Variants in ZNF431 observed in about 807,000 individuals in gnomAD.
The protein encoded by ZNF431 is zinc finger protein 431.
A neutral mutation model predicts 57.0 loss-of-function variants in ZNF431; 34 were observed. The ratio of observed to expected loss-of-function variants is 0.60; its 90% confidence interval spans 0.45 to 0.79. The LOEUF is 0.79. Ranked by LOEUF, ZNF431 falls within the 30% of genes least tolerant of loss-of-function variation. The probability of loss-of-function intolerance (pLI) is 0.00; values close to 1 mark genes in which losing one functional copy is unlikely to be tolerated. For synonymous variants in ZNF431, 207 were observed against 220.3 expected (o/e 0.94, Z 0.54); for missense variants, 607 against 667.1 (o/e 0.91, Z 0.99).
intron 4 of ZNF431, among the ~76,000 whole-genome samples, chr19:21,181,949 C>T (rs891674843): frequency 1.3e-5 from 2 of 152,076 alleles, no homozygotes; most frequent in African/African-American, 4.8e-5. Flanking sequence ...AAACAATTAT[C>T]TTGGTTTGAG....
chr19:21,149,727 G>A (rs1412953313), intron 2 of ZNF431: 1 of 612,446 alleles, frequency 1.6e-6, no homozygotes, highest in East Asian at 3.7e-5. Flanking sequence ...GAGACCCAGG[G>A]CCTTCCCTCC....
At position 21,183,374 on chromosome 19, in the gene ZNF431, A is replaced by G; in HGVS notation, c.1071A>G (p.Ser357=). ...GTGACAAAGCTTTTAATCGATTCTC[A>G]TACCTTACTAAACATAAGATAATTC... ...EECDKAFNRF[S]YLTKHKIIHT... The change falls in exon 5 of 5, where the codon TCA becomes TCG. Residue 357 remains serine (S), a synonymous_variant. Transcript: ENST00000311048. 6.2e-7 allele frequency: 1 copy of G among 1,613,798 alleles called. No homozygotes were observed. The highest frequency in any genetic ancestry group is 1.1e-5 in the South Asian group (1 of 91,062).
At chr19:21,146,823 A>G (rs1356766118) in intron 2 of ZNF431, among the ~76,000 whole-genome samples, 11 of 152,082 alleles carry the variant, frequency 7.2e-5, no homozygotes, top group Admixed American at 6.6e-4. Flanking sequence ...TCTCAGTCCT[A>G]TTTTACCCAG....
intron 2 of ZNF431, among the ~76,000 whole-genome samples, chr19:21,145,860 G>A (rs973400065): frequency 1.3e-5 from 2 of 152,060 alleles, no homozygotes; most frequent in African/African-American, 4.8e-5. Context: ...AAGGTGGGAG[G>A]GGAATGGCAA....
At chr19:21,162,009 T>C (rs1357154346) in intron 2 of ZNF431, among the ~76,000 whole-genome samples, 1 of 152,004 alleles carries the variant, frequency 6.6e-6, no homozygotes, top group Admixed American at 6.6e-5. Context: ...GGAGTCTTGC[T>C]CTTGTTTCCC....
chr19:21,144,181 A>G (rs1372510794), intron 2 of ZNF431, among the ~76,000 whole-genome samples: 7 of 151,728 alleles, frequency 4.6e-5, no homozygotes, highest in Admixed American at 4.6e-4. Flanking sequence ...ATTGCATTAT[A>G]TTAGTAGGGC....
chr19:21,144,230 T>G (rs2144914906), intron 2 of ZNF431, among the ~76,000 whole-genome samples: 1 of 152,154 alleles, frequency 6.6e-6, no homozygotes, highest in African/African-American at 2.4e-5. Flanking sequence ...TGAAACAAGT[T>G]TCACTCTTGC....
At position 21,188,395 on chromosome 19, in the gene ZNF431, C is replaced by T. The variant is rs933439981; in HGVS notation, c.*4361C>T. 2.0e-4 allele frequency: 30 copies of T among 151,738 alleles called. No homozygotes were observed. The highest frequency in any genetic ancestry group is 5.6e-4 in the African/African-American group (23 of 41,268). The allele number at this position is 151,738 out of a possible 1,614,324, so 9.4% of individuals were successfully genotyped here. ...CAAATATAAAACTTGCTTGAAAATA[C>T]AGAAATTAAATTTTTAAGAGAGTTA... On this transcript the variant is annotated 3_prime_UTR_variant, in exon 5 of 5. Transcript: ENST00000311048.
At chr19:21,177,828 G>C (rs557845145) in intron 4 of ZNF431, among the ~76,000 whole-genome samples, 15 of 151,756 alleles carry the variant, frequency 9.9e-5, no homozygotes, top group Non-Finnish European at 2.2e-4. Context: ...GGGGTCTTTT[G>C]GGTTTTCATA....
At chr19:21,146,921 G>T (rs1437910867) in intron 2 of ZNF431, among the ~76,000 whole-genome samples, 1 of 152,162 alleles carries the variant, frequency 6.6e-6, no homozygotes, top group Non-Finnish European at 1.5e-5. Context: ...GGGTTGTAGA[G>T]GGATGAAGAT....
chr19:21,155,896 G>A (rs929176216), intron 2 of ZNF431, among the ~76,000 whole-genome samples: 2 of 152,104 alleles, frequency 1.3e-5, no homozygotes, highest in Admixed American at 6.5e-5. Flanking sequence ...CCTGCACACA[G>A]GCTTTCACAC....
At chr19:21,177,658 C>T (rs1273258560) in intron 4 of ZNF431, among the ~76,000 whole-genome samples, 1 of 152,060 alleles carries the variant, frequency 6.6e-6, no homozygotes, top group African/African-American at 2.4e-5. Context: ...CATGGTGGCA[C>T]ATTCCTGTAA....
chr19:21,161,345 C>T (rs1297472415), intron 2 of ZNF431, among the ~76,000 whole-genome samples: 5 of 152,064 alleles, frequency 3.3e-5, no homozygotes, highest in African/African-American at 1.2e-4. Flanking sequence ...ATTGTTGTGA[C>T]TTCTGATATC....
At position 21,186,879 on chromosome 19, in the gene ZNF431, A is replaced by G. The variant is rs1193483719; in HGVS notation, c.*2845A>G. 1.3e-5 allele frequency: 2 copies of G among 152,148 alleles called. No individual in the cohort carries two copies. The highest frequency in any genetic ancestry group is 2.9e-5 in the Non-Finnish European group (2 of 68,024). 9.4% of individuals were successfully genotyped at this position (152,148 alleles called of 1,614,324 possible). A position where few individuals can be genotyped will look rare whatever the true frequency, so the allele number is the denominator to read the frequency against. On this transcript the variant is annotated 3_prime_UTR_variant, in exon 5 of 5. Transcript: ENST00000311048. ...TGTTCTTTTAAGAGGAGAACAATAT[A>G]TAGGTTTTCTTTAGTGATTTGTTCC...
chr19:21,157,173 T>A (rs1970438197), intron 2 of ZNF431, among the ~76,000 whole-genome samples: 1 of 152,190 alleles, frequency 6.6e-6, no homozygotes, highest in Admixed American at 6.5e-5. Context: ...AGTCTTACTC[T>A]GTCACCCAGA....
chr19:21,183,883 T>C lies in ZNF431; in HGVS notation c.1580T>C (p.Leu527Pro). ...CGKAFNQSST[L>P]TKHRKIHTRQ... Reference sequence around the variant, plus strand: ...AAAGCCTTTAACCAATCCTCAACTCTTACTAAACATAGGAAAATTCATACT... The same window carrying C: ...AAAGCCTTTAACCAATCCTCAACTCCTACTAAACATAGGAAAATTCATACT... Residue 527 changes from leucine (L) to proline (P), a missense_variant, in exon 5 of 5, where the codon CTT (leucine) becomes CCT (proline). Coordinates refer to ENST00000311048, the MANE Select transcript of ZNF431 (RefSeq NM_133473.4). 6.2e-7 allele frequency: 1 copy of C among 1,613,928 alleles called. No individual in the cohort carries two copies. Among genetic ancestry groups the C allele is most frequent in the Non-Finnish European group, 8.5e-7 (1 of 1,179,860 alleles).
intron 4 of ZNF431, among the ~76,000 whole-genome samples, chr19:21,170,333 AAT>A (rs1231719494): frequency 6.6e-6 from 1 of 150,476 alleles, no homozygotes; most frequent in African/African-American, 2.4e-5. Context: ...TGACTGAATA[AAT>A]TTTTTTTTGT....
intron 2 of ZNF431, among the ~76,000 whole-genome samples, chr19:21,157,601 G>A (rs1175590138): frequency 6.7e-6 from 1 of 148,368 alleles, no homozygotes; most frequent in African/African-American, 2.5e-5. Context: ...GTGGGACCTT[G>A]GCTCACTGCA....
In ZNF431 at chr19:21,164,942, C is replaced by G. The variant is rs139787348; in HGVS notation, c.97-1393C>G. Among the ~76,000 whole-genome samples, 849 of 151,874 alleles carry G rather than the reference C, an allele frequency of 5.6e-3. 4 individuals carry two copies. The highest frequency in any genetic ancestry group is 0.016 in the Admixed American group (245 of 15,210). ...CCTGACCAAGATGGATAAACCCCGT[C>G]TCTACTAAAAATACAAAATTAGACA... On this transcript the variant is annotated intron_variant, in intron 2 of 4. Transcript: ENST00000311048.
Sources: gnomAD v4.1 joint callset for allele counts (sites outside exome capture counted in the v4.1 genomes callset) on GRCh38, gnomAD v4.1.1 for gene constraint, MANE v1.5 for transcripts, NCBI Gene and HGNC (gene_info 2026-07-23, HGNC 2026-07-21) for gene names.